SCOC: variants seen among roughly 807,000 people sequenced by gnomAD.
SCOC encodes short coiled coil protein.
Under a neutral mutation model 9.9 loss-of-function variants are expected in SCOC, and 7 were observed. The observed-to-expected ratio is 0.71, with a 90% CI of 0.40 to 1.33. SCOC has a LOEUF of 1.33. SCOC is among the 40% of genes most tolerant of loss of function. The pLI is 0.01. For synonymous variants in SCOC, 19 were observed against 28.2 expected, an observed-to-expected ratio of 0.67 and a Z score of 1.03; for missense variants, 66 against 89.7, an observed-to-expected ratio of 0.74 and a Z score of 1.07.
At chr4:140,310,832 T>C (rs1213252315) in intron 1 of SCOC, among the ~76,000 whole-genome samples, 1 of 152,196 alleles carries the variant, frequency 6.6e-6, no homozygotes, top group African/African-American at 2.4e-5. Flanking sequence ...GCAGTCATGA[T>C]GGGGTTAGGA....
At chr4:140,325,614 G>A (rs1732622247) in intron 1 of SCOC, among the ~76,000 whole-genome samples, 1 of 152,100 alleles carries the variant, frequency 6.6e-6, no homozygotes, top group African/African-American at 2.4e-5. Flanking sequence ...TCAGAAAAAT[G>A]TAAATGAAAA....
intron 1 of SCOC, among the ~76,000 whole-genome samples, chr4:140,314,841 C>T (rs1047719786): frequency 3.9e-5 from 6 of 152,018 alleles, no homozygotes; most frequent in African/African-American, 7.2e-5. Flanking sequence ...TCTGAGAGCC[C>T]GAACAGCTGT....
At chr4:140,330,286 G>C (rs566414004) in intron 1 of SCOC, among the ~76,000 whole-genome samples, 1 of 152,076 alleles carries the variant, frequency 6.6e-6, no homozygotes, top group African/African-American at 2.4e-5. Flanking sequence ...TGGACTTTGC[G>C]GACTTGGGAG....
At chr4:140,312,187 A>C (rs1732176937) in intron 1 of SCOC, among the ~76,000 whole-genome samples, 1 of 152,164 alleles carries the variant, frequency 6.6e-6, no homozygotes, top group South Asian at 2.1e-4. Flanking sequence ...CTGCCTCTGG[A>C]AGGTCTTGAC....
intron 1 of SCOC, among the ~76,000 whole-genome samples, chr4:140,278,229 C>T (rs766845453): frequency 1.3e-5 from 2 of 152,046 alleles, no homozygotes; most frequent in Non-Finnish European, 2.9e-5. Context: ...GCTTACACTC[C>T]TCTTCCAAGA....
At chr4:140,380,366 T>G (rs1262641186) in intron 3 of SCOC, among the ~76,000 whole-genome samples, 2 of 151,584 alleles carry the variant, frequency 1.3e-5, no homozygotes, top group Non-Finnish European at 1.5e-5. Flanking sequence ...CCTAGCTAAT[T>G]TTTTTGTATT....
At chr4:140,362,305 T>TCTTCTTCTTCTTCTCCTTCTTC (rs1357436782) in intron 2 of SCOC, among the ~76,000 whole-genome samples, 1 of 9,240 alleles carries the variant, frequency 1.1e-4, no homozygotes, top group Non-Finnish European at 2.6e-4. Flanking sequence ...TCTTCTTTTT[T>TCTTCTTCTTCTTCTCCTTCTTC]TTTTTTTTTT....
At position 140,382,928 on chromosome 4, in the gene SCOC, TCAAA is replaced by T. The variant is rs1397061200; in HGVS notation, c.*1827_*1830del. ...AGCATTGCAGGCTAGCAGCCCTTGT[TCAAA>T]CAGTTATTCAGGGACTTTGGCTGAG... On this transcript the variant is annotated 3_prime_UTR_variant, in exon 4 of 4. Coordinates refer to ENST00000608372, the MANE Select transcript of SCOC (RefSeq NM_001153484.2). 6.6e-6 allele frequency: 1 copy of T among 152,222 alleles called. No homozygotes were observed. Among genetic ancestry groups the T allele is most frequent in the East Asian group, 1.9e-4 (1 of 5,198 alleles). 9.4% of individuals were successfully genotyped at this position (152,222 alleles called of 1,614,324 possible). A position where few individuals can be genotyped will look rare whatever the true frequency, so the allele number is the denominator to read the frequency against.
chr4:140,349,830 TTTTATCCC>T (rs1301455476), intron 2 of SCOC, among the ~76,000 whole-genome samples: 7 of 152,156 alleles, frequency 4.6e-5, no homozygotes, highest in Non-Finnish European at 8.8e-5. Flanking sequence ...TTATTTCAAA[TTTTATCCC>T]TTCAAATCTA....
At chr4:140,374,445 C>T (rs774583947) in intron 1 of SCOC, 1 of 260,472 alleles carries the variant, frequency 3.8e-6, no homozygotes, top group Non-Finnish European at 7.6e-6. Flanking sequence ...ATTCTGGTAC[C>T]TCTATTCCTG....
intron 1 of SCOC, among the ~76,000 whole-genome samples, chr4:140,290,406 A>G (rs1388789403): frequency 6.6e-6 from 1 of 152,160 alleles, no homozygotes; most frequent in African/African-American, 2.4e-5. Context: ...GGAATTGTGG[A>G]GGGTGGGCTC....
At chr4:140,310,697 T>C (rs1732126784) in intron 1 of SCOC, among the ~76,000 whole-genome samples, 1 of 152,202 alleles carries the variant, frequency 6.6e-6, no homozygotes, top group Admixed American at 6.5e-5. Context: ...CTAGTCATGA[T>C]TTAGCTGCCT....
At chr4:140,365,940 C>T (rs1708419487) in intron 2 of SCOC, among the ~76,000 whole-genome samples, 1 of 152,182 alleles carries the variant, frequency 6.6e-6, no homozygotes, top group Admixed American at 6.5e-5. Context: ...TTTTCCATTA[C>T]ACAGGGTATT....
upstream of SCOC, among the ~76,000 whole-genome samples, chr4:140,369,005 C>T (rs1460483008): frequency 6.6e-6 from 1 of 151,716 alleles, no homozygotes; most frequent in Non-Finnish European, 1.5e-5. Flanking sequence ...ATGATAAAGT[C>T]CAAAGCTTGA....
chr4:140,287,968 A>G (rs1731346414), intron 1 of SCOC, among the ~76,000 whole-genome samples: 1 of 152,002 alleles, frequency 6.6e-6, no homozygotes, highest in African/African-American at 2.4e-5. Flanking sequence ...CACAGAGTGC[A>G]CACATACCAC....
chr4:140,281,747 C>T (rs953539833), intron 1 of SCOC, among the ~76,000 whole-genome samples: 2 of 152,156 alleles, frequency 1.3e-5, no homozygotes, highest in Admixed American at 6.5e-5. Flanking sequence ...ACCTCACTAG[C>T]TTACTTAGGA....
intron 1 of SCOC, among the ~76,000 whole-genome samples, chr4:140,310,705 C>T (rs536010376): frequency 3.3e-5 from 5 of 152,294 alleles, no homozygotes; most frequent in Non-Finnish European, 7.3e-5. Context: ...GATTTAGCTG[C>T]CTGGTGAAGT....
At chr4:140,287,880 C>T (rs1731343208) in intron 1 of SCOC, among the ~76,000 whole-genome samples, 1 of 152,020 alleles carries the variant, frequency 6.6e-6, no homozygotes, top group African/African-American at 2.4e-5. Context: ...TGCATGCACA[C>T]ATATCACACA....
chr4:140,317,338 C>A (rs1365658629), intron 1 of SCOC, among the ~76,000 whole-genome samples: 1 of 152,132 alleles, frequency 6.6e-6, no homozygotes, highest in Non-Finnish European at 1.5e-5. Flanking sequence ...GTGTCCTGGG[C>A]CTGGTAGTTA....
Sources: allele counts gnomAD v4.1 joint callset (sites outside exome capture counted in the v4.1 genomes callset), GRCh38; gene constraint gnomAD v4.1.1; transcripts MANE v1.5; gene names NCBI Gene and HGNC (gene_info 2026-07-23, HGNC 2026-07-21).